The following KIRREL1 variants were observed in gnomAD, a reference collection of about 807,000 sequenced individuals.
The protein encoded by KIRREL1 is kin of IRRE-like protein 1.
In KIRREL1, 25 loss-of-function variants were observed where a neutral mutation model predicts 83.3. The observed-to-expected ratio is 0.30, with a 90% CI of 0.22 to 0.42. KIRREL1 has a LOEUF of 0.42. KIRREL1 is among the 10% of genes least tolerant of loss of function. The probability of loss-of-function intolerance (pLI) is 1.00; values close to 1 mark genes in which losing one functional copy is unlikely to be tolerated. For synonymous variants in KIRREL1, 388 were observed against 410.4 expected (o/e 0.95, Z 0.66); for missense variants, 812 against 1,032.3 (o/e 0.79, Z 2.92).
chr1:158,030,400 A>G (rs1660290871), intron 1 of KIRREL1, among the ~76,000 whole-genome samples: 1 of 152,210 alleles, frequency 6.6e-6, no homozygotes, highest in African/African-American at 2.4e-5. Flanking sequence ...CAATACCTTT[A>G]TATCATCACC....
Position 158,097,927 on chromosome 1 carries a change from AG to A in KIRREL1, c.*2812del, listed in dbSNP as rs2101654010. 1 of 152,258 alleles carries A rather than the reference AG, an allele frequency of 6.6e-6. No homozygotes were observed. Among genetic ancestry groups the A allele is most frequent in the Non-Finnish European group, 1.5e-5 (1 of 68,028 alleles). 9.4% of individuals were successfully genotyped at this position (152,258 alleles called of 1,614,324 possible). A position where few individuals can be genotyped will look rare whatever the true frequency, so the allele number is the denominator to read the frequency against. ...CCAATTTGTCTGGCCTGTAAAATGA[AG>A]GGGGAGGGTTGCATAAACCTAAAAC... On this transcript the variant is annotated 3_prime_UTR_variant, in exon 15 of 15. Transcript: ENST00000359209.
intron 1 of KIRREL1, among the ~76,000 whole-genome samples, chr1:157,998,198 A>G (rs1240539868): frequency 6.6e-6 from 1 of 152,134 alleles, no homozygotes; most frequent in Non-Finnish European, 1.5e-5. Context: ...TACATTAAGT[A>G]TCTTATTGGT....
chr1:158,043,895 A>G (rs1660706725), intron 1 of KIRREL1, among the ~76,000 whole-genome samples: 1 of 152,202 alleles, frequency 6.6e-6, no homozygotes, highest in South Asian at 2.1e-4. Context: ...CCTGCAAATT[A>G]CTAGCTTTGT....
intron 1 of KIRREL1, among the ~76,000 whole-genome samples, chr1:158,047,241 T>A (rs1386505129): frequency 6.6e-6 from 1 of 152,230 alleles, no homozygotes; most frequent in East Asian, 1.9e-4. Flanking sequence ...CTGCTGCATG[T>A]CTGACACTGG....
At chr1:158,069,570 A>T (rs573298930) in intron 1 of KIRREL1, among the ~76,000 whole-genome samples, 2 of 152,126 alleles carry the variant, frequency 1.3e-5, no homozygotes, top group East Asian at 3.9e-4. Flanking sequence ...TAAGAGGGAG[A>T]GAGTGCTCCA....
chr1:158,058,926 A>G (rs1661138502), intron 1 of KIRREL1, among the ~76,000 whole-genome samples: 1 of 152,158 alleles, frequency 6.6e-6, no homozygotes, highest in Non-Finnish European at 1.5e-5. Flanking sequence ...CGCAGCCGAC[A>G]TGTCCTGAGA....
At chr1:158,010,665 T>G (rs1232233229) in intron 1 of KIRREL1, among the ~76,000 whole-genome samples, 1 of 152,176 alleles carries the variant, frequency 6.6e-6, no homozygotes, top group African/African-American at 2.4e-5. Flanking sequence ...TGAAAGCTAT[T>G]TCTTCTCTTT....
chr1:158,049,748 A>T (rs1660864539), intron 1 of KIRREL1, among the ~76,000 whole-genome samples: 1 of 152,206 alleles, frequency 6.6e-6, no homozygotes, highest in South Asian at 2.1e-4. Context: ...AGGAAGGGAT[A>T]GAATCCAGAC....
chr1:158,035,202 A>T (rs1389646362), intron 1 of KIRREL1, among the ~76,000 whole-genome samples: 5 of 152,198 alleles, frequency 3.3e-5, no homozygotes, highest in African/African-American at 4.8e-5. Context: ...ATTACTTACC[A>T]TCCGTCAGTT....
chr1:158,018,787 T>C (rs536613979), intron 1 of KIRREL1, among the ~76,000 whole-genome samples: 1 of 152,130 alleles, frequency 6.6e-6, no homozygotes, highest in East Asian at 1.9e-4. Flanking sequence ...TTGAGAACCA[T>C]TTGTGGCAAG....
In KIRREL1 at chr1:158,094,552, A is replaced by T. The variant is rs1402838353; in HGVS notation, c.1798-92A>T. On this transcript the variant is annotated intron_variant, in intron 14 of 14. Coordinates refer to ENST00000359209, the MANE Select transcript of KIRREL1 (RefSeq NM_018240.7). This position sits in a 1 kb window ranked among gnomAD's most constrained non-coding sequence, Gnocchi z 4.6. ...GAATGCTAGATGGGGACATAGGGAG[A>T]GCTGGAGGAAGAGGCCCAGAAAGCC... 6 of 1,258,208 alleles carry T rather than the reference A, an allele frequency of 4.8e-6. No individual in the cohort carries two copies. Among genetic ancestry groups the T allele is most frequent in the African/African-American group, 1.5e-5 (1 of 67,986 alleles). The allele number at this position is 1,258,208 out of a possible 1,614,324, so 77.9% of individuals were successfully genotyped here.
chr1:158,017,153 T>G (rs1440407706), intron 1 of KIRREL1, among the ~76,000 whole-genome samples: 1 of 152,178 alleles, frequency 6.6e-6, no homozygotes, highest in Non-Finnish European at 1.5e-5. Flanking sequence ...GAGACACTCA[T>G]CATTGCACGC....
At chr1:158,042,759 T>C (rs898062050) in intron 1 of KIRREL1, among the ~76,000 whole-genome samples, 5 of 152,022 alleles carry the variant, frequency 3.3e-5, no homozygotes, top group African/African-American at 1.2e-4. Context: ...CCCTCTGTGA[T>C]GTTATTACTA....
chr1:158,054,727 A>G (rs1020323777), intron 1 of KIRREL1, among the ~76,000 whole-genome samples: 2 of 152,208 alleles, frequency 1.3e-5, no homozygotes, highest in Middle Eastern at 3.2e-3. Context: ...TGCTCGCTCT[A>G]CTAAAACCTG....
intron 1 of KIRREL1, among the ~76,000 whole-genome samples, chr1:158,071,521 G>T (rs758917977): frequency 1.3e-5 from 2 of 152,214 alleles, no homozygotes; most frequent in African/African-American, 4.8e-5. Context: ...TAAAACATAC[G>T]CGCAGAATCT....
At chr1:158,050,664 T>C (rs1407710634) in intron 1 of KIRREL1, among the ~76,000 whole-genome samples, 1 of 151,654 alleles carries the variant, frequency 6.6e-6, no homozygotes. Context: ...GGGAGGAAAA[T>C]GGGGAGTGGA....
At position 158,088,042 on chromosome 1, in the gene KIRREL1, C is replaced by T. The variant is rs762780264; in HGVS notation, c.804C>T (p.His268=). The change falls in exon 7 of 15, where the codon CAC becomes CAT. Residue 268 remains histidine, a synonymous_variant. Coordinates refer to ENST00000359209, the MANE Select transcript of KIRREL1 (RefSeq NM_018240.7). ...AKGGFLIEDA[H]ESRYETNVDY... Reference sequence around the variant, plus strand: ...GGGGTTTCTTGATTGAAGACGCCCACGAGAGTCGCTATGAGACAAATGTGG... The same window carrying T: ...GGGGTTTCTTGATTGAAGACGCCCATGAGAGTCGCTATGAGACAAATGTGG... 9.9e-6 allele frequency: 16 copies of T among 1,614,072 alleles called. No homozygotes were observed. Among genetic ancestry groups the T allele is most frequent in the East Asian group, 2.2e-5 (1 of 44,894 alleles).
intron 1 of KIRREL1, among the ~76,000 whole-genome samples, chr1:158,067,401 G>A (rs1661384395): frequency 6.6e-6 from 1 of 152,166 alleles, no homozygotes; most frequent in Non-Finnish European, 1.5e-5. Flanking sequence ...GGATGAGGGA[G>A]GAAACGCCCC....
chr1:158,038,542 G>A (rs1286710515), intron 1 of KIRREL1, among the ~76,000 whole-genome samples: 2 of 131,498 alleles, frequency 1.5e-5, no homozygotes, highest in Non-Finnish European at 3.1e-5. Flanking sequence ...GTCTGGGCTG[G>A]TCTTAAACTC....
Sources: gnomAD v4.1 joint callset for allele counts (sites outside exome capture counted in the v4.1 genomes callset) on GRCh38, gnomAD v4.1.1 for gene constraint, Gnocchi (gnomAD v3.1) non-coding constraint, MANE v1.5 for transcripts, NCBI Gene and HGNC (gene_info 2026-07-23, HGNC 2026-07-21) for gene names.